Variants in AKT3 observed in about 807,000 individuals in gnomAD.
AKT3 encodes the protein RAC-gamma serine/threonine-protein kinase.
A neutral mutation model predicts 65.3 loss-of-function variants in AKT3; 15 were observed. The observed-to-expected ratio is 0.23, with a 90% confidence interval of 0.15 to 0.35. AKT3 has a LOEUF of 0.35. AKT3 is among the 10% of genes least tolerant of loss of function. The pLI, the probability that AKT3 is intolerant of heterozygous loss-of-function variation, is 1.00. For synonymous variants in AKT3, 206 were observed against 183.8 expected (o/e 1.12, Z -0.98); for missense variants, 243 against 576.5 (o/e 0.42, Z 5.92).
At chr1:243,740,340 G>C (rs541408151) in intron 2 of AKT3, among the ~76,000 whole-genome samples, 2 of 152,200 alleles carry the variant, frequency 1.3e-5, no homozygotes, top group Non-Finnish European at 2.9e-5. Flanking sequence ...TTCTTACAAG[G>C]AGAGCTCATT....
chr1:243,545,452 A>C lies in AKT3; in HGVS notation c.1251+58T>G, dbSNP rs546366487. 3.1e-6 allele frequency: 3 copies of C among 958,868 alleles called. No individual in the cohort carries two copies. The Admixed American group carries it at 6.2e-5, about 20-fold the overall frequency. The allele number at this position is 958,868 out of a possible 1,614,324, so 59.4% of individuals were successfully genotyped here. On this transcript the variant is annotated intron_variant, in intron 12 of 13. Transcript: ENST00000673466. ...ATTCACTTAAAATATTTTTGCTATA[A>C]ATTCATTTTAGCAGTGCAGCCAAAA...
chr1:243,826,565 A>G (rs546447575), intron 2 of AKT3, among the ~76,000 whole-genome samples: 2 of 152,294 alleles, frequency 1.3e-5, no homozygotes, highest in South Asian at 4.1e-4. Flanking sequence ...CTCCCATTTG[A>G]CTGCCTTGAA....
chr1:243,497,339 G>GGC (rs1553385245), downstream of AKT3, among the ~76,000 whole-genome samples: 2 of 143,530 alleles, frequency 1.4e-5, no homozygotes, highest in African/African-American at 5.4e-5. Context: ...GGCACGGGTG[G>GGC]GGGGGGGGGC....
intron 4 of AKT3, among the ~76,000 whole-genome samples, chr1:243,648,324 T>C (rs1681007132): frequency 6.6e-6 from 1 of 151,914 alleles, no homozygotes; most frequent in Non-Finnish European, 1.5e-5. Context: ...TGTATCTCTA[T>C]AAAATGATCA....
At chr1:243,809,925 G>A (rs1693016270) in intron 2 of AKT3, among the ~76,000 whole-genome samples, 1 of 152,170 alleles carries the variant, frequency 6.6e-6, no homozygotes, top group East Asian at 1.9e-4. Flanking sequence ...ACCTGCTCCT[G>A]AATGACTACT....
intron 2 of AKT3, among the ~76,000 whole-genome samples, chr1:243,802,802 T>C (rs1692456797): frequency 6.6e-6 from 1 of 152,192 alleles, no homozygotes; most frequent in Admixed American, 6.5e-5. Flanking sequence ...ACCCAGGACT[T>C]CATTCACATC....
chr1:243,524,387 C>G (rs368897170), intron 12 of AKT3, among the ~76,000 whole-genome samples: 2 of 152,206 alleles, frequency 1.3e-5, no homozygotes, highest in East Asian at 3.8e-4. Context: ...ACTCCTGAAC[C>G]ATGCATGCAC....
At chr1:243,548,620 T>C (rs1477013884) in intron 11 of AKT3, among the ~76,000 whole-genome samples, 1 of 152,190 alleles carries the variant, frequency 6.6e-6, no homozygotes, top group Admixed American at 6.5e-5. Flanking sequence ...AAGTAAGATA[T>C]TTATGTCTAG....
chr1:243,506,337 C>A (rs1669665991), intron 13 of AKT3, among the ~76,000 whole-genome samples: 1 of 152,166 alleles, frequency 6.6e-6, no homozygotes, highest in Non-Finnish European at 1.5e-5. Context: ...ATACTCAACC[C>A]TTTTCTCTTC....
At chr1:243,827,178 TTAAC>T (rs927941772) in intron 2 of AKT3, among the ~76,000 whole-genome samples, 1 of 152,168 alleles carries the variant, frequency 6.6e-6, no homozygotes, top group Non-Finnish European at 1.5e-5. Context: ...GGATGTTTTA[TTAAC>T]TAATACAGGT....
chr1:243,517,452 A>G (rs559424821), intron 12 of AKT3, among the ~76,000 whole-genome samples: 10 of 152,300 alleles, frequency 6.6e-5, no homozygotes, highest in Admixed American at 5.2e-4. Context: ...ATTTTTCCTT[A>G]TATTAGTTTT....
chr1:243,698,060 A>C (rs928620464), intron 2 of AKT3, among the ~76,000 whole-genome samples: 1 of 152,116 alleles, frequency 6.6e-6, no homozygotes, highest in African/African-American at 2.4e-5. Context: ...TAATAAGGCA[A>C]TTTATAAAAC....
intron 2 of AKT3, chr1:243,793,373 C>T (rs749218910): frequency 6.6e-6 from 1 of 152,150 alleles, no homozygotes; most frequent in Non-Finnish European, 1.5e-5. Flanking sequence ...CAGGCACAAG[C>T]CACCGTGCGT....
intron 8 of AKT3, among the ~76,000 whole-genome samples, chr1:243,583,168 G>GTATATATATATATATATA (rs1425079716): frequency 1.8e-5 from 2 of 113,236 alleles, no homozygotes; most frequent in African/African-American, 7.0e-5. Context: ...GTATATGTGT[G>GTATATATATATATATATA]TGTATATATA....
At chr1:243,734,838 T>C (rs1015429407) in intron 2 of AKT3, 3 of 152,254 alleles carry the variant, frequency 2.0e-5, no homozygotes, top group African/African-American at 7.2e-5. Flanking sequence ...AAATACACTG[T>C]ACAGCTGTAC....
intron 4 of AKT3, among the ~76,000 whole-genome samples, chr1:243,653,476 A>C (rs1470423027): frequency 3.3e-5 from 5 of 152,176 alleles, no homozygotes; most frequent in African/African-American, 1.2e-4. Context: ...AAAAGAGGGA[A>C]TCCTCCCTAA....
intron 2 of AKT3, among the ~76,000 whole-genome samples, chr1:243,727,295 T>C (rs1322833564): frequency 6.6e-6 from 1 of 152,108 alleles, no homozygotes; most frequent in African/African-American, 2.4e-5. Context: ...GTTAGTTGAT[T>C]GATTGATTGA....
At chr1:243,796,156 G>T (rs922542443) in intron 2 of AKT3, among the ~76,000 whole-genome samples, 10 of 152,152 alleles carry the variant, frequency 6.6e-5, no homozygotes, top group African/African-American at 2.4e-4. Context: ...CTGCTTATTT[G>T]AAAGAGGTAT....
intron 5 of AKT3, 26 bp downstream of exon 5, chr1:243,645,867 G>T: frequency 1.3e-6 from 2 of 1,578,630 alleles, no homozygotes; most frequent in Non-Finnish European, 8.6e-7. Flanking sequence ...TGAATGCTGT[G>T]CTGGGAATAA....
Sources: gnomAD v4.1 joint callset for allele counts (sites outside exome capture counted in the v4.1 genomes callset) on GRCh38, gnomAD v4.1.1 for gene constraint, MANE v1.5 for transcripts, NCBI Gene and HGNC (gene_info 2026-07-23, HGNC 2026-07-21) for gene names.